The following ROBO2 variants were observed in gnomAD, a reference collection of about 807,000 sequenced individuals.
ROBO2 encodes the protein roundabout guidance receptor 2, also known as roundabout homolog 2.
Under a neutral mutation model 160.8 loss-of-function variants are expected in ROBO2, and 53 were observed. The observed-to-expected ratio is 0.33, with a 90% CI of 0.26 to 0.41. ROBO2 has a LOEUF of 0.41. ROBO2 is among the 10% of genes least tolerant of loss of function. ROBO2 has a pLI of 1.00. For missense variants in ROBO2, 1,577 were observed against 1,722.4 expected, an observed-to-expected ratio of 0.92 and a Z score of 1.49; for synonymous variants, 664 against 611.7, an observed-to-expected ratio of 1.09 and a Z score of -1.26.
intron 2 of ROBO2, among the ~76,000 whole-genome samples, chr3:76,611,290 C>G (rs1277237068): frequency 6.6e-6 from 1 of 152,104 alleles, no homozygotes; most frequent in African/African-American, 2.4e-5. Flanking sequence ...TGTCTGTCTC[C>G]TGTCGCTATC....
chr3:76,282,149 C>G (rs1250497851), intron 2 of ROBO2, among the ~76,000 whole-genome samples: 1 of 151,986 alleles, frequency 6.6e-6, no homozygotes, highest in Non-Finnish European at 1.5e-5. Flanking sequence ...TGACTGGAAA[C>G]TCTTTACCTG....
chr3:77,404,071 A>C (rs1260694484), intron 2 of ROBO2, among the ~76,000 whole-genome samples: 1 of 152,202 alleles, frequency 6.6e-6, no homozygotes, highest in Non-Finnish European at 1.5e-5. Context: ...GGGGAATAAT[A>C]ATTCCTCATA....
chr3:77,495,196 G>A (rs2086630503), intron 5 of ROBO2, among the ~76,000 whole-genome samples: 1 of 152,186 alleles, frequency 6.6e-6, no homozygotes, highest in Non-Finnish European at 1.5e-5. Context: ...TTATCCTAGT[G>A]TAAACACAGG....
chr3:77,292,410 C>T (rs1327755901), intron 2 of ROBO2, among the ~76,000 whole-genome samples: 26 of 146,110 alleles, frequency 1.8e-4, no homozygotes, highest in African/African-American at 4.4e-4. Flanking sequence ...GTAAAATTGA[C>T]GGTTAAACGG....
intron 2 of ROBO2, among the ~76,000 whole-genome samples, chr3:76,154,192 G>A (rs946083121): frequency 4.6e-5 from 7 of 152,106 alleles, no homozygotes; most frequent in African/African-American, 1.7e-4. Flanking sequence ...AAAAGTAGCA[G>A]CAGCTTCCTC....
At chr3:77,644,709 G>A (rs771773437) in exon 25 of ROBO2, 2 of 1,613,844 alleles carry the variant, frequency 1.2e-6, no homozygotes, top group South Asian at 1.1e-5. Context: ...TTCAGAGGAG[G>A]CCTTGGTGCC....
Position 77,317,057 on chromosome 3 carries a change from T to C in ROBO2, c.389-160357T>C, listed in dbSNP as rs983487523. 1.1e-4 allele frequency: 162 copies of C among 1,479,454 alleles called. 1 individual carries two copies. The highest frequency in any genetic ancestry group is 1.5e-4 in the Non-Finnish European group (155 of 1,059,432). 91.6% of individuals were successfully genotyped at this position (1,479,454 alleles called of 1,614,324 possible). ...CCAAACTCTGTCCCGTCATTCACAG[T>C]AGTGTGAAGCTGGAATTCATCAGTC... is the stretch of plus-strand genomic sequence containing the variant. On this transcript the variant is annotated intron_variant, in intron 2 of 25. Transcript: ENST00000461745.
At chr3:76,041,799 C>T (rs1219826870) in intron 2 of ROBO2, among the ~76,000 whole-genome samples, 3 of 151,520 alleles carry the variant, frequency 2.0e-5, no homozygotes, top group Non-Finnish European at 2.9e-5. Context: ...TTGATTGATC[C>T]CTACATTTTT....
chr3:75,971,942 T>G (rs1011509747), intron 2 of ROBO2, among the ~76,000 whole-genome samples: 10 of 151,736 alleles, frequency 6.6e-5, no homozygotes, highest in African/African-American at 9.6e-5. Flanking sequence ...AAGTATTTGT[T>G]ATTTTTATTG....
At chr3:76,106,381 T>C (rs760012342) in intron 2 of ROBO2, among the ~76,000 whole-genome samples, 2 of 152,200 alleles carry the variant, frequency 1.3e-5, no homozygotes, top group Non-Finnish European at 2.9e-5. Context: ...TATAGGTTGA[T>C]AAACGCACTG....
At chr3:76,203,099 G>C (rs1414847144) in intron 2 of ROBO2, among the ~76,000 whole-genome samples, 1 of 152,052 alleles carries the variant, frequency 6.6e-6, no homozygotes, top group African/African-American at 2.4e-5. Flanking sequence ...TTCAGCCGCA[G>C]GCAAAAATTT....
At chr3:77,306,991 A>C in intron 2 of ROBO2, among the ~76,000 whole-genome samples, 1 of 152,342 alleles carries the variant, frequency 6.6e-6, no homozygotes, top group East Asian at 1.9e-4. Context: ...AAATTTAATA[A>C]TGCATTCTTG....
At chr3:77,338,585 A>AT (rs144677878) in intron 2 of ROBO2, among the ~76,000 whole-genome samples, 3 of 152,272 alleles carry the variant, frequency 2.0e-5, no homozygotes, top group Non-Finnish European at 2.9e-5. Context: ...AAATGAAAAG[A>AT]TTTTTTTAAT....
intron 2 of ROBO2, among the ~76,000 whole-genome samples, chr3:76,118,812 TATC>T (rs1387242397): frequency 6.6e-6 from 1 of 152,218 alleles, no homozygotes; most frequent in Admixed American, 6.5e-5. Context: ...GTGCTACTAT[TATC>T]ATGAACACTT....
intron 2 of ROBO2, among the ~76,000 whole-genome samples, chr3:76,169,638 GT>G (rs1310037452): frequency 6.6e-6 from 1 of 152,058 alleles, no homozygotes; most frequent in Non-Finnish European, 1.5e-5. Context: ...ATTACAGGTG[GT>G]CATAATCATT....
intron 2 of ROBO2, among the ~76,000 whole-genome samples, chr3:76,338,254 C>T (rs933243849): frequency 1.3e-5 from 2 of 152,136 alleles, no homozygotes; most frequent in East Asian, 1.9e-4. Context: ...CATGTTTCTA[C>T]CAAGCTGACC....
At chr3:76,957,146 T>G (rs1247922651) in intron 2 of ROBO2, among the ~76,000 whole-genome samples, 1 of 152,128 alleles carries the variant, frequency 6.6e-6, no homozygotes, top group African/African-American at 2.4e-5. Flanking sequence ...TCTTTTTGTT[T>G]GTTTCTAGTA....
At chr3:77,533,076 T>G (rs892053251) in intron 6 of ROBO2, among the ~76,000 whole-genome samples, 6 of 152,198 alleles carry the variant, frequency 3.9e-5, no homozygotes, top group African/African-American at 1.4e-4. Flanking sequence ...GACTAGAGTT[T>G]GCATATTTGG....
At chr3:76,953,843 T>C (rs1401441480) in intron 2 of ROBO2, among the ~76,000 whole-genome samples, 3 of 151,882 alleles carry the variant, frequency 2.0e-5, no homozygotes, top group Non-Finnish European at 4.4e-5. Context: ...TGTGTGTGTG[T>C]GCCCACACAG....
Sources: gnomAD v4.1 joint callset for allele counts (sites outside exome capture counted in the v4.1 genomes callset) on GRCh38, gnomAD v4.1.1 for gene constraint, MANE v1.5 for transcripts, NCBI Gene and HGNC (gene_info 2026-07-23, HGNC 2026-07-21) for gene names.